The following PDE1C variants were observed in gnomAD, a reference collection of about 807,000 sequenced individuals.
PDE1C encodes phosphodiesterase 1C, also known as dual specificity calcium/calmodulin-dependent 3',5'-cyclic nucleotide phosphodiesterase 1C.
PDE1C carries 62 observed loss-of-function variants against 93.1 expected under a neutral mutation model. That is an observed-to-expected ratio of 0.67 (90% CI 0.54 to 0.82). The LOEUF is 0.82. Among genes scored for constraint, PDE1C ranks in the 40% least tolerant of loss-of-function variants. The pLI is 0.00. For missense variants in PDE1C, 742 were observed against 884.6 expected, an observed-to-expected ratio of 0.84 and a Z score of 2.04; for synonymous variants, 325 against 310.1, an observed-to-expected ratio of 1.05 and a Z score of -0.50.
chr7:31,670,378 AT>A, the PDE1C span, among the ~76,000 whole-genome samples: 4 of 152,124 alleles, frequency 2.6e-5, no homozygotes, highest in Admixed American at 2.6e-4. Flanking sequence ...TCATTTCTCT[AT>A]AAAATTGAGC....
intron 12 of PDE1C, among the ~76,000 whole-genome samples, chr7:31,825,902 A>AG (rs34101708): frequency 6.6e-6 from 1 of 151,808 alleles, no homozygotes; most frequent in African/African-American, 2.4e-5. Context: ...TTTGAGGTAC[A>AG]GGGGGGCACA....
At chr7:32,266,289 A>AG (rs1810568264) in intron 1 of PDE1C, among the ~76,000 whole-genome samples, 1 of 151,870 alleles carries the variant, frequency 6.6e-6, no homozygotes, top group Non-Finnish European at 1.5e-5. Context: ...CTCAAAAAAA[A>AG]AAGAAAAGAA....
At chr7:31,634,551 C>T in the PDE1C span, among the ~76,000 whole-genome samples, 38 of 152,256 alleles carry the variant, frequency 2.5e-4, no homozygotes, top group Non-Finnish European at 4.7e-4. Flanking sequence ...CAGAATCAGA[C>T]TCCAGTAGAG....
At chr7:31,871,264 T>C (rs1295691926) in intron 6 of PDE1C, among the ~76,000 whole-genome samples, 1 of 151,814 alleles carries the variant, frequency 6.6e-6, no homozygotes, top group African/African-American at 2.4e-5. Context: ...TACTCAAAAC[T>C]ATAAAACTAC....
At chr7:32,207,753 A>G (rs1445837599) in intron 2 of PDE1C, among the ~76,000 whole-genome samples, 2 of 152,180 alleles carry the variant, frequency 1.3e-5, no homozygotes, top group African/African-American at 4.8e-5. Context: ...CTTTCAACCC[A>G]GTCATACAGT....
intron 1 of PDE1C, among the ~76,000 whole-genome samples, chr7:32,330,509 G>A (rs577870656): frequency 2.0e-5 from 3 of 152,198 alleles, no homozygotes; most frequent in South Asian, 2.1e-4. Flanking sequence ...CTTAATGGAC[G>A]AGCTAAACCC....
In PDE1C at chr7:32,389,127, C is replaced by T. The variant is rs1420636007; in HGVS notation, c.310+38695G>A. On this transcript the variant is annotated intron_variant, in intron 1 of 1. Coordinates refer to the PDE1C transcript ENST00000672256. The stretch of plus-strand genomic sequence containing the variant: ...AGCTAGATGAAAGGCAGGTTATCTA[C>T]AGTGGAACAACCTTTAAACTGATAG... Among the ~76,000 whole-genome samples the T allele has an allele frequency of 3.3e-5, 5 of 149,766 alleles. No homozygotes were observed. In the South Asian group the frequency reaches 1.0e-3, roughly 31 times the overall value.
chr7:32,211,243 A>T (rs1270537071), intron 1 of PDE1C, among the ~76,000 whole-genome samples: 5 of 152,204 alleles, frequency 3.3e-5, no homozygotes, highest in Non-Finnish European at 1.5e-5. Flanking sequence ...AATAATTACT[A>T]CACTCTGCAC....
At chr7:31,643,605 A>G in the PDE1C span, 1 of 1,614,012 alleles carries the variant, frequency 6.2e-7, no homozygotes, top group Non-Finnish European at 8.5e-7. Context: ...CTGTTACCGC[A>G]ACAGAAACAA....
the PDE1C span, among the ~76,000 whole-genome samples, chr7:31,698,983 A>G: frequency 6.6e-6 from 1 of 152,248 alleles, no homozygotes; most frequent in African/African-American, 2.4e-5. Flanking sequence ...ACTATGTGCC[A>G]GGCACAGCTC....
At chr7:32,198,957 A>G (rs558859313) in intron 2 of PDE1C, among the ~76,000 whole-genome samples, 1 of 151,440 alleles carries the variant, frequency 6.6e-6, no homozygotes, top group African/African-American at 2.4e-5. Context: ...TCTCTACTGA[A>G]AAAAAAAATA....
At chr7:32,277,074 C>T (rs1811334808) in intron 1 of PDE1C, among the ~76,000 whole-genome samples, 1 of 152,058 alleles carries the variant, frequency 6.6e-6, no homozygotes, top group Admixed American at 6.5e-5. Flanking sequence ...CATGGCAAAA[C>T]CCCATCTCTA....
chr7:32,063,744 C>T (rs1011526656), intron 1 of PDE1C, among the ~76,000 whole-genome samples: 5 of 152,174 alleles, frequency 3.3e-5, no homozygotes, highest in Non-Finnish European at 5.9e-5. Flanking sequence ...AAGAAAGACT[C>T]GAAAACAATC....
At chr7:32,080,138 T>C (rs2128735512) in intron 3 of PDE1C, among the ~76,000 whole-genome samples, 1 of 152,190 alleles carries the variant, frequency 6.6e-6, no homozygotes, top group Admixed American at 6.5e-5. Context: ...GCAGGAGCAA[T>C]GTGGCAAGGG....
At chr7:32,252,280 T>C (rs1809449785) in intron 1 of PDE1C, among the ~76,000 whole-genome samples, 1 of 152,158 alleles carries the variant, frequency 6.6e-6, no homozygotes, top group Admixed American at 6.5e-5. Flanking sequence ...CTGCACAAGA[T>C]CCCGGGACTA....
chr7:31,877,689 G>T (rs1796761974), intron 5 of PDE1C, among the ~76,000 whole-genome samples: 1 of 147,116 alleles, frequency 6.8e-6, no homozygotes, highest in Admixed American at 6.9e-5. Context: ...GGCAAAATCA[G>T]ATAACTCTCA....
chr7:32,163,420 C>T (rs1256192309), intron 3 of PDE1C, among the ~76,000 whole-genome samples: 1 of 152,204 alleles, frequency 6.6e-6, no homozygotes, highest in Non-Finnish European at 1.5e-5. Context: ...GCATGGAAAA[C>T]ACAATCCATT....
At chr7:32,342,705 G>C (rs571566723) in intron 1 of PDE1C, among the ~76,000 whole-genome samples, 1 of 152,196 alleles carries the variant, frequency 6.6e-6, no homozygotes, top group African/African-American at 2.4e-5. Flanking sequence ...GTGATCTTGG[G>C]CAAGTGAGGC....
At chr7:31,910,366 G>C (rs1428191076) in intron 2 of PDE1C, among the ~76,000 whole-genome samples, 1 of 152,144 alleles carries the variant, frequency 6.6e-6, no homozygotes, top group African/African-American at 2.4e-5. Flanking sequence ...GGTGCTGACA[G>C]CATTAGTACT....
Sources: gnomAD v4.1 joint callset for allele counts (sites outside exome capture counted in the v4.1 genomes callset) on GRCh38, gnomAD v4.1.1 for gene constraint, MANE v1.5 for transcripts, NCBI Gene and HGNC (gene_info 2026-07-23, HGNC 2026-07-21) for gene names.